SV2C: variants seen among roughly 807,000 people sequenced by gnomAD.
SV2C encodes solute carrier family 22 member B3.
Under a neutral mutation model 79.7 loss-of-function variants are expected in SV2C, and 49 were observed. That is an observed-to-expected ratio of 0.61 (90% CI 0.49 to 0.78). SV2C has a LOEUF of 0.78. Among genes scored for constraint, SV2C ranks in the 30% least tolerant of loss-of-function variants. The pLI is 0.00. For synonymous variants in SV2C, 334 were observed against 333.2 expected (o/e 1.00, Z -0.03); for missense variants, 833 against 912.9 (o/e 0.91, Z 1.13).
At chr5:76,067,131 C>G in the SV2C span, among the ~76,000 whole-genome samples, 2 of 152,106 alleles carry the variant, frequency 1.3e-5, no homozygotes, top group Non-Finnish European at 2.9e-5. Context: ...AAGATATTGT[C>G]ACTTTGAGTT....
chr5:75,953,633 T>C, the SV2C span, among the ~76,000 whole-genome samples: 1 of 151,920 alleles, frequency 6.6e-6, no homozygotes, highest in African/African-American at 2.4e-5. Context: ...TGCTACAGGC[T>C]AGAAGTGGCA....
At chr5:76,263,378 T>G (rs1012604194) in intron 4 of SV2C, among the ~76,000 whole-genome samples, 1 of 152,100 alleles carries the variant, frequency 6.6e-6, no homozygotes, top group East Asian at 1.9e-4. Context: ...GAGATGGGTC[T>G]CCTGAATAGA....
At chr5:75,956,436 A>G in the SV2C span, among the ~76,000 whole-genome samples, 7 of 150,646 alleles carry the variant, frequency 4.6e-5, no homozygotes, top group African/African-American at 1.7e-4. Context: ...TGGGAGATAT[A>G]CCTAATGAGA....
chr5:76,323,584 C>T (rs978761732), intron 12 of SV2C, among the ~76,000 whole-genome samples: 2 of 152,196 alleles, frequency 1.3e-5, no homozygotes, highest in Non-Finnish European at 2.9e-5. Context: ...GACACATACA[C>T]ATGAATGTTT....
the SV2C span, among the ~76,000 whole-genome samples, chr5:75,984,567 ATATCTATCTATC>A: frequency 9.7e-6 from 1 of 102,826 alleles, no homozygotes; most frequent in African/African-American, 2.9e-5. Context: ...CTATCTATCT[ATATCTATCTATC>A]TATCTATCTA....
At chr5:76,246,647 T>C (rs1745955779) in intron 4 of SV2C, among the ~76,000 whole-genome samples, 1 of 151,512 alleles carries the variant, frequency 6.6e-6, no homozygotes, top group African/African-American at 2.4e-5. Flanking sequence ...ACACTCACAC[T>C]CACACACACA....
the SV2C span, among the ~76,000 whole-genome samples, chr5:75,944,151 A>C: frequency 2.6e-5 from 4 of 152,060 alleles, no homozygotes; most frequent in Non-Finnish European, 5.9e-5. Context: ...CTGAGTAGCT[A>C]GGACTGCAGG....
chr5:75,996,040 T>C, the SV2C span, among the ~76,000 whole-genome samples: 4 of 152,166 alleles, frequency 2.6e-5, no homozygotes, highest in East Asian at 7.7e-4. Flanking sequence ...CACTGGCAGT[T>C]GGAAAATAAG....
the SV2C span, among the ~76,000 whole-genome samples, chr5:75,912,801 A>G: frequency 2.0e-5 from 3 of 152,222 alleles, no homozygotes; most frequent in Non-Finnish European, 4.4e-5. Context: ...AGTCTTCCAC[A>G]GAAAATTTCT....
the SV2C span, among the ~76,000 whole-genome samples, chr5:75,892,258 T>G: frequency 6.6e-6 from 1 of 152,058 alleles, no homozygotes; most frequent in African/African-American, 2.4e-5. Context: ...TTAATAAATT[T>G]TTTTTTAATT....
the SV2C span, among the ~76,000 whole-genome samples, chr5:75,883,182 C>G: frequency 1.1e-4 from 15 of 132,450 alleles, no homozygotes; most frequent in South Asian, 2.5e-4. Flanking sequence ...ATTAAAAAGT[C>G]AGGAAACAAC....
intron 4 of SV2C, among the ~76,000 whole-genome samples, chr5:76,249,761 G>A (rs1561282994): frequency 6.6e-6 from 1 of 151,896 alleles, no homozygotes; most frequent in African/African-American, 2.4e-5. Context: ...GCAGGTAGGT[G>A]TGTGTTGCTG....
At chr5:76,070,426 C>T in the SV2C span, among the ~76,000 whole-genome samples, 2 of 152,166 alleles carry the variant, frequency 1.3e-5, no homozygotes, top group Non-Finnish European at 2.9e-5. Context: ...AAGAAGATAG[C>T]AATTTTCAGT....
At chr5:75,886,057 A>G in the SV2C span, among the ~76,000 whole-genome samples, 3 of 152,076 alleles carry the variant, frequency 2.0e-5, no homozygotes, top group Admixed American at 6.6e-5. Context: ...TACTGTTTGC[A>G]TGGACAAATC....
chr5:76,347,351 C>T (rs1026440423), intron 12 of SV2C, among the ~76,000 whole-genome samples: 1 of 152,154 alleles, frequency 6.6e-6, no homozygotes, highest in Non-Finnish European at 1.5e-5. Flanking sequence ...CTCTGGGAAG[C>T]TGGGGAATGA....
the SV2C span, among the ~76,000 whole-genome samples, chr5:76,032,302 A>AG: frequency 2.0e-5 from 3 of 151,992 alleles, no homozygotes; most frequent in Admixed American, 6.5e-5. Flanking sequence ...CACAATGTGC[A>AG]GTTAGTTACA....
At chr5:76,027,376 A>G in the SV2C span, among the ~76,000 whole-genome samples, 1 of 144,624 alleles carries the variant, frequency 6.9e-6, no homozygotes, top group Admixed American at 7.3e-5. Context: ...TTCAGTTTTT[A>G]TTATCCTTTT....
the SV2C span, among the ~76,000 whole-genome samples, chr5:76,073,527 A>G: frequency 3.9e-5 from 5 of 127,662 alleles, no homozygotes; most frequent in African/African-American, 1.3e-4. Flanking sequence ...ATATATATAT[A>G]TATATATATA....
At chr5:76,305,942 G>T (rs1748180429) in intron 12 of SV2C, among the ~76,000 whole-genome samples, 2 of 152,166 alleles carry the variant, frequency 1.3e-5, no homozygotes, top group African/African-American at 4.8e-5. Context: ...ACATATGGTT[G>T]GTTTTTCTGG....
Sources: gnomAD v4.1 joint callset for allele counts (sites outside exome capture counted in the v4.1 genomes callset) on GRCh38, gnomAD v4.1.1 for gene constraint, MANE v1.5 for transcripts, NCBI Gene and HGNC (gene_info 2026-07-23, HGNC 2026-07-21) for gene names.